HEPHL1: variants seen among roughly 807,000 people sequenced by gnomAD.
HEPHL1 encodes hephaestin like 1.
Under a neutral mutation model 122.0 loss-of-function variants are expected in HEPHL1, and 123 were observed. The observed-to-expected ratio is 1.01, with a 90% CI of 0.87 to 1.17. HEPHL1 has a LOEUF of 1.17. HEPHL1 is among the 50% of genes most tolerant of loss of function. The probability of loss-of-function intolerance (pLI) is 0.00; values close to 1 mark genes in which losing one functional copy is unlikely to be tolerated. For synonymous variants in HEPHL1, 527 were observed against 508.9 expected, an observed-to-expected ratio of 1.04 and a Z score of -0.48; for missense variants, 1,452 against 1,430.5, an observed-to-expected ratio of 1.01 and a Z score of -0.24.
At chr11:94,087,271 A>G (rs2134442400) in intron 11 of HEPHL1, among the ~76,000 whole-genome samples, 1 of 152,324 alleles carries the variant, frequency 6.6e-6, no homozygotes, top group Middle Eastern at 3.4e-3. Context: ...ATTTTAATTC[A>G]TAGAAATAGG....
chr11:94,105,877 G>C, intron 16 of HEPHL1, 114 bp from the exon 17 acceptor site: 1 of 630,216 alleles, frequency 1.6e-6, no homozygotes, highest in Non-Finnish European at 2.5e-6. Flanking sequence ...TGAGATTGTT[G>C]CATGTTTACT....
intron 1 of HEPHL1, among the ~76,000 whole-genome samples, chr11:94,026,513 C>T (rs766678047): frequency 6.6e-6 from 1 of 152,230 alleles, no homozygotes; most frequent in South Asian, 2.1e-4. Context: ...CTCTTAGTCC[C>T]CATCTTGCTT....
intron 12 of HEPHL1, 132 bp downstream of exon 12, chr11:94,089,100 G>A: frequency 1.2e-6 from 1 of 846,960 alleles, no homozygotes. Context: ...TTTTACTTAT[G>A]TGCACAGATT....
Position 94,102,996 on chromosome 11 carries a change from C to A in HEPHL1, c.2658C>A (p.Tyr886Ter). The A allele has an allele frequency of 6.2e-7, 1 of 1,602,224 alleles. No homozygotes were observed. The highest frequency in any genetic ancestry group is 8.6e-7 in the Non-Finnish European group (1 of 1,169,354). Residue 886 changes from tyrosine (Y) to a stop codon, truncating the protein, a stop_gained, in exon 15 of 20, where the codon TAC (tyrosine) becomes TAA (stop). Coordinates refer to ENST00000315765, the MANE Select transcript of HEPHL1 (RefSeq NM_001098672.2). LOFTEE classifies it high-confidence loss of function. ...PSDPNCIPWV[Y>*]YSTVNFVKDT... ...ATCCCAATTGTATTCCATGGGTTTACTATTCAACAGTAAACTTTGTGAAGG... is the reference window on the plus strand; with the variant it reads ...ATCCCAATTGTATTCCATGGGTTTAATATTCAACAGTAAACTTTGTGAAGG...
chr11:94,057,045 T>C (rs1166766688), intron 2 of HEPHL1, among the ~76,000 whole-genome samples: 2 of 152,168 alleles, frequency 1.3e-5, no homozygotes, highest in Non-Finnish European at 2.9e-5. Flanking sequence ...TTGGCTAATA[T>C]TTCCTCCCTG....
chr11:94,048,887 G>A (rs1042195216), intron 2 of HEPHL1, among the ~76,000 whole-genome samples: 3 of 152,088 alleles, frequency 2.0e-5, no homozygotes, highest in South Asian at 2.1e-4. Flanking sequence ...TTGGGAGGCC[G>A]AGGTGGGTGG....
intron 12 of HEPHL1, among the ~76,000 whole-genome samples, chr11:94,090,229 G>A (rs1946255477): frequency 6.6e-6 from 1 of 152,076 alleles, no homozygotes; most frequent in Non-Finnish European, 1.5e-5. Flanking sequence ...AATACAAGCT[G>A]AAGACTGGTG....
chr11:94,042,815 T>A (rs1945795218), intron 1 of HEPHL1, among the ~76,000 whole-genome samples: 1 of 133,864 alleles, frequency 7.5e-6, no homozygotes, highest in African/African-American at 2.7e-5. Flanking sequence ...GCATGGCACA[T>A]GTATACATAT....
intron 1 of HEPHL1, among the ~76,000 whole-genome samples, chr11:94,042,417 C>T (rs1468072563): frequency 7.0e-6 from 1 of 142,214 alleles, no homozygotes; most frequent in Non-Finnish European, 1.5e-5. Flanking sequence ...TATAAAGACA[C>T]ATGCACACAT....
chr11:94,050,427 G>A (rs1432565393), intron 2 of HEPHL1, among the ~76,000 whole-genome samples: 6 of 152,076 alleles, frequency 3.9e-5, no homozygotes, highest in Admixed American at 3.9e-4. Flanking sequence ...TAGGAAGAAA[G>A]CATTTTGTCT....
At chr11:94,039,376 T>A (rs1194435249) in intron 1 of HEPHL1, among the ~76,000 whole-genome samples, 18 of 152,174 alleles carry the variant, frequency 1.2e-4, no homozygotes, top group African/African-American at 3.6e-4. Flanking sequence ...CAGATCTAAT[T>A]GACATCTACA....
At chr11:94,033,452 G>T (rs1317651969) in intron 1 of HEPHL1, among the ~76,000 whole-genome samples, 1 of 152,136 alleles carries the variant, frequency 6.6e-6, no homozygotes, top group Non-Finnish European at 1.5e-5. Context: ...CTGGCCATTT[G>T]TGTAGGGTAA....
At chr11:94,028,382 T>C (rs1380012242) in intron 1 of HEPHL1, among the ~76,000 whole-genome samples, 1 of 152,202 alleles carries the variant, frequency 6.6e-6, no homozygotes, top group East Asian at 1.9e-4. Flanking sequence ...GTGGTTTATA[T>C]CCCTGCAAGC....
chr11:94,046,197 A>T (rs1238092484), intron 2 of HEPHL1, among the ~76,000 whole-genome samples: 2 of 137,662 alleles, frequency 1.5e-5, no homozygotes, highest in Non-Finnish European at 3.0e-5. Context: ...CTGGTTCAGG[A>T]TATTCTCCTG....
At position 94,067,473 on chromosome 11, in the gene HEPHL1, C is replaced by A. The variant is rs752778303; in HGVS notation, c.809-23C>A. On this transcript the variant is annotated intron_variant, in intron 4 of 19. Transcript: ENST00000315765. Reference sequence around the variant, plus strand: ...GTCGCCTCTGCAGGGGAGTCTCTTCCACTAGCGTGTTTCTGTTTCCAGCCC... The same window carrying A: ...GTCGCCTCTGCAGGGGAGTCTCTTCAACTAGCGTGTTTCTGTTTCCAGCCC... 65 of 1,609,190 alleles carry A rather than the reference C, an allele frequency of 4.0e-5. No homozygotes were observed. The African/African-American group carries it at 8.0e-4, about 20-fold the overall frequency.
intron 1 of HEPHL1, among the ~76,000 whole-genome samples, chr11:94,028,861 GA>G (rs1945647869): frequency 1.3e-5 from 2 of 152,198 alleles, no homozygotes. Flanking sequence ...GAACTCAAAG[GA>G]GCTGGAGTTT....
intron 10 of HEPHL1, among the ~76,000 whole-genome samples, chr11:94,083,375 A>T (rs1309568643): frequency 1.3e-5 from 2 of 152,198 alleles, no homozygotes; most frequent in African/African-American, 2.4e-5. Flanking sequence ...TCTTTGTATC[A>T]AGTGTTACAA....
At chr11:94,093,305 A>C (rs1322845461) in intron 12 of HEPHL1, among the ~76,000 whole-genome samples, 196 bp from the exon 13 acceptor site, 1 of 152,046 alleles carries the variant, frequency 6.6e-6, no homozygotes, top group Non-Finnish European at 1.5e-5. Flanking sequence ...CCCATATCAG[A>C]ACTGAAGGAG....
chr11:94,033,109 C>T (rs1378627850), intron 1 of HEPHL1, among the ~76,000 whole-genome samples: 5 of 152,174 alleles, frequency 3.3e-5, no homozygotes, highest in Admixed American at 6.5e-5. Context: ...TTTTTCAAGT[C>T]GCCCGCTTGG....
Sources: allele counts gnomAD v4.1 joint callset (sites outside exome capture counted in the v4.1 genomes callset), GRCh38; gene constraint gnomAD v4.1.1; transcripts MANE v1.5; gene names NCBI Gene and HGNC (gene_info 2026-07-23, HGNC 2026-07-21).